The following ADGRL3 variants were observed in gnomAD, a reference collection of about 807,000 sequenced individuals.
The protein encoded by ADGRL3 is calcium-independent alpha-latrotoxin receptor 3.
A neutral mutation model predicts 153.5 loss-of-function variants in ADGRL3; 62 were observed. The ratio of observed to expected loss-of-function variants is 0.40; its 90% CI spans 0.33 to 0.50. ADGRL3 has a LOEUF of 0.50. ADGRL3 is among the 20% of genes least tolerant of loss of function. The pLI, the probability that ADGRL3 is intolerant of heterozygous loss-of-function variation, is 0.47. For synonymous variants in ADGRL3, 710 were observed against 672.5 expected, an observed-to-expected ratio of 1.06 and a Z score of -0.86; for missense variants, 1,641 against 1,859.4, an observed-to-expected ratio of 0.88 and a Z score of 2.16.
intron 1 of ADGRL3, among the ~76,000 whole-genome samples, chr4:61,277,088 C>A (rs191859598): frequency 3.2e-4 from 49 of 152,146 alleles, no homozygotes; most frequent in Middle Eastern, 3.4e-3. Flanking sequence ...TTTCTGACTA[C>A]CTATGGATGG....
chr4:62,019,722 A>T (rs952935147), intron 21 of ADGRL3, among the ~76,000 whole-genome samples: 3 of 152,140 alleles, frequency 2.0e-5, no homozygotes, highest in East Asian at 1.9e-4. Context: ...TGTGCAGTAG[A>T]TGTGCAGTGT....
Position 62,042,944 on chromosome 4 carries a change from T to C in ADGRL3, c.3718-1509T>C, listed in dbSNP as rs553386771. ...TATCTTAGCTTTCAATAGCACATTTTAGTTTGCATATTTTGATACTTACTC... is the reference window on the plus strand; with the variant it reads ...TATCTTAGCTTTCAATAGCACATTTCAGTTTGCATATTTTGATACTTACTC... On this transcript the variant is annotated intron_variant, in intron 24 of 26. Transcript: ENST00000683033. Among the ~76,000 whole-genome samples, 9 of 152,226 alleles carry C rather than the reference T, an allele frequency of 5.9e-5. No homozygotes were observed. In the South Asian group the frequency reaches 1.9e-3, roughly 32 times the overall value.
intron 8 of ADGRL3, among the ~76,000 whole-genome samples, chr4:61,756,831 G>T (rs577309127): frequency 6.6e-6 from 1 of 152,062 alleles, no homozygotes. Context: ...TAGCATGAAG[G>T]GTTGTTGAAT....
chr4:61,694,179 ATTTT>A lies in ADGRL3; in HGVS notation c.583+17281_583+17284del, dbSNP rs554084495. Among the ~76,000 whole-genome samples the A allele has an allele frequency of 1.6e-3, 44 of 26,680 alleles. 1 individual carries two copies. The highest frequency in any genetic ancestry group is 4.8e-3 in the African/African-American group (32 of 6,730). The allele number at this position is 26,680 out of a possible 152,430, so 17.5% of individuals were successfully genotyped here. A position where few individuals can be genotyped will look rare whatever the true frequency, so the allele number is the denominator to read the frequency against. On this transcript the variant is annotated intron_variant, in intron 6 of 26. Transcript: ENST00000683033. The stretch of plus-strand genomic sequence containing the variant: ...TATACTATTTTAAAATTTTGTCATT[ATTTT>A]TTTTTTTTTTTTTTTTTTTTTTTTT...
At chr4:61,781,640 A>G (rs2097215758) in intron 8 of ADGRL3, among the ~76,000 whole-genome samples, 1 of 152,156 alleles carries the variant, frequency 6.6e-6, no homozygotes, top group African/African-American at 2.4e-5. Flanking sequence ...TGATTTATTT[A>G]TTCATACTCT....
At chr4:61,336,568 T>C (rs2095679234) in intron 1 of ADGRL3, among the ~76,000 whole-genome samples, 1 of 152,112 alleles carries the variant, frequency 6.6e-6, no homozygotes, top group South Asian at 2.1e-4. Flanking sequence ...GTGGCTTGTT[T>C]TCCTCAGCGT....
At chr4:61,553,411 T>A (rs1020773282) in intron 4 of ADGRL3, among the ~76,000 whole-genome samples, 1 of 152,136 alleles carries the variant, frequency 6.6e-6, no homozygotes, top group Non-Finnish European at 1.5e-5. Flanking sequence ...ATGAGAGAGA[T>A]TTTCTTGAGT....
At position 61,497,305 on chromosome 4, in the gene ADGRL3, G is replaced by A. The variant is rs371504666; in HGVS notation, c.12G>A (p.Ser4=). The A allele has an allele frequency of 3.8e-5, 61 of 1,603,322 alleles. No individual in the cohort carries two copies. In the African/African-American group the frequency reaches 6.2e-4, roughly 16 times the overall value. ...CTGAGTAGACAGCCATGTGGCCATC[G>A]CAGCTACTAATTTTCATGATGCTCT... MWP[S]QLLIFMMLLA... Residue 4 remains serine (S), a synonymous_variant, in exon 3 of 27, where the codon TCG becomes TCA. Coordinates refer to ENST00000683033, the MANE Select transcript of ADGRL3 (RefSeq NM_001387552.1).
chr4:61,956,508 T>C (rs1027498780), intron 17 of ADGRL3, among the ~76,000 whole-genome samples: 2 of 152,188 alleles, frequency 1.3e-5, no homozygotes, highest in Admixed American at 6.5e-5. Context: ...CTGATGATTG[T>C]TTCTTTCACT....
At chr4:61,567,525 G>A (rs987694045) in intron 4 of ADGRL3, among the ~76,000 whole-genome samples, 3 of 152,116 alleles carry the variant, frequency 2.0e-5, no homozygotes, top group African/African-American at 7.2e-5. Flanking sequence ...CCGTCTATGA[G>A]GAAGGGGTCC....
intron 18 of ADGRL3, 54 bp downstream of exon 18, chr4:61,979,826 G>A: frequency 1.4e-5 from 19 of 1,390,328 alleles, no homozygotes; most frequent in Non-Finnish European, 1.3e-5. Context: ...CAGCTTTTCA[G>A]TAGCGCCAAT....
chr4:61,841,123 T>A (rs946628938), intron 9 of ADGRL3, among the ~76,000 whole-genome samples: 1 of 152,178 alleles, frequency 6.6e-6, no homozygotes, highest in African/African-American at 2.4e-5. Flanking sequence ...TCCTCCCCCT[T>A]TCTTTCTTCG....
chr4:61,670,482 T>C (rs1263669051), intron 5 of ADGRL3, among the ~76,000 whole-genome samples: 2 of 152,086 alleles, frequency 1.3e-5, no homozygotes, highest in African/African-American at 4.8e-5. Flanking sequence ...TGCTAATTTT[T>C]GTCTGTATAA....
At position 61,297,849 on chromosome 4, in the gene ADGRL3, A is replaced by T. The variant is rs552647236; in HGVS notation, c.-239-85275A>T. On this transcript the variant is annotated intron_variant, in intron 1 of 26. Transcript: ENST00000683033. ...CGCCACCACCACCACCACCATCATC[A>T]CCATCACCACTGCCACTGCTACTAC... is the stretch of plus-strand genomic sequence containing the variant. 2.0e-5 allele frequency among the ~76,000 whole-genome samples: 3 copies of T among 152,130 alleles called. No homozygotes were observed. In the South Asian group the frequency reaches 6.2e-4, roughly 32 times the overall value.
In ADGRL3 at chr4:61,358,544, T is replaced by C. The variant is rs553015591; in HGVS notation, c.-239-24580T>C. Reference sequence around the variant, plus strand: ...CTCGGGAGGCGGAGCTTGCAGTGAGTGGAGATCGTGCCACTGCACTCCAGC... The same window carrying C: ...CTCGGGAGGCGGAGCTTGCAGTGAGCGGAGATCGTGCCACTGCACTCCAGC... On this transcript the variant is annotated intron_variant, in intron 1 of 26. Transcript: ENST00000683033. 4.1e-3 allele frequency among the ~76,000 whole-genome samples: 522 copies of C among 128,116 alleles called. 7 individuals carry two copies. The highest frequency in any genetic ancestry group is 0.015 in the African/African-American group (493 of 33,122). The allele number at this position is 128,116 out of a possible 152,430, so 84.0% of individuals were successfully genotyped here. A position where few individuals can be genotyped will look rare whatever the true frequency, so the allele number is the denominator to read the frequency against.
intron 4 of ADGRL3, among the ~76,000 whole-genome samples, chr4:61,522,027 A>G (rs746847896): frequency 7.9e-5 from 12 of 152,160 alleles, no homozygotes; most frequent in Non-Finnish European, 1.6e-4. Flanking sequence ...GTCCAGAAAC[A>G]TTAAGGATAT....
chr4:62,027,425 A>G (rs538565136), intron 21 of ADGRL3, among the ~76,000 whole-genome samples: 120 of 152,148 alleles, frequency 7.9e-4, no homozygotes, highest in Middle Eastern at 6.8e-3. Context: ...TGTGACTGAT[A>G]TGACTGAGGA....
intron 10 of ADGRL3, 36 bp from the exon 11 acceptor site, chr4:61,895,695 G>C (rs1226718575): frequency 8.7e-7 from 1 of 1,155,694 alleles, no homozygotes; most frequent in Non-Finnish European, 1.3e-6. Flanking sequence ...GTCATTCTAA[G>C]AAAAAGAAAC....
intron 5 of ADGRL3, among the ~76,000 whole-genome samples, chr4:61,613,036 G>C (rs896711260): frequency 1.3e-5 from 2 of 151,966 alleles, no homozygotes; most frequent in African/African-American, 4.8e-5. Context: ...TATGTGATTT[G>C]AAGTAATTTA....
Sources: allele counts gnomAD v4.1 joint callset (sites outside exome capture counted in the v4.1 genomes callset), GRCh38; gene constraint gnomAD v4.1.1; transcripts MANE v1.5; gene names NCBI Gene and HGNC (gene_info 2026-07-23, HGNC 2026-07-21).